BARD1: variants seen among roughly 807,000 people sequenced by gnomAD.
BARD1 encodes BRCA1 associated RING domain 1, also known as BRCA1-associated RING domain protein 1.
BARD1 carries 73 observed loss-of-function variants against 77.0 expected under a neutral mutation model. The observed-to-expected ratio is 0.95, with a 90% CI of 0.79 to 1.15. The LOEUF is 1.15. Ranked by LOEUF, BARD1 falls within the 50% of genes most tolerant of loss-of-function variation. BARD1 has a pLI of 0.00. For synonymous variants in BARD1, 384 were observed against 338.0 expected (o/e 1.14, Z -1.49); for missense variants, 993 against 938.8 (o/e 1.06, Z -0.75).
At position 214,746,300 on chromosome 2, in the gene BARD1, T is replaced by A. The variant is rs114270732; in HGVS notation, c.1678-446A>T. Among the ~76,000 whole-genome samples, 504 of 152,260 alleles carry A rather than the reference T, an allele frequency of 3.3e-3. 4 individuals carry two copies. Among genetic ancestry groups the A allele is most frequent in the African/African-American group, 0.012 (486 of 41,548 alleles). ...AAGAATGCCAAGGCTTCTAGAACAG[T>A]GCTGACCTCAAAGATAGAAAACAAA... On this transcript the variant is annotated intron_variant, in intron 7 of 10. Transcript: ENST00000260947.
chr2:214,728,638 G>A lies in BARD1; in HGVS notation c.*38C>T, dbSNP rs751500588. On this transcript the variant is annotated 3_prime_UTR_variant, in exon 11 of 11. Transcript: ENST00000260947. ...TACAATGACTGGGCTCTCACAAACC[G>A]TGCAAATTCAATTTGAAATGTTCAT... is the stretch of plus-strand genomic sequence containing the variant. The A allele has an allele frequency of 1.9e-5, 30 of 1,599,776 alleles. No homozygotes were observed. The highest frequency in any genetic ancestry group is 8.9e-5 in the East Asian group (4 of 44,696).
chr2:214,783,491 T>G (rs2106116650), intron 3 of BARD1, among the ~76,000 whole-genome samples: 1 of 152,114 alleles, frequency 6.6e-6, no homozygotes, highest in African/African-American at 2.4e-5. Flanking sequence ...ATCTTCTCAC[T>G]TATAAGTGGA....
At chr2:214,763,914 AC>A (rs1423135917) in intron 6 of BARD1, among the ~76,000 whole-genome samples, 9 of 152,178 alleles carry the variant, frequency 5.9e-5, no homozygotes, top group Non-Finnish European at 2.9e-5. Context: ...CTCACCTGTT[AC>A]TACCTAATTC....
intron 7 of BARD1, among the ~76,000 whole-genome samples, chr2:214,746,957 C>T (rs1693151237): frequency 6.6e-6 from 1 of 152,106 alleles, no homozygotes; most frequent in South Asian, 2.1e-4. Context: ...ACCTACTCAT[C>T]TGACAAAGGG....
At chr2:214,772,577 GGTT>G (rs1321787121) in intron 4 of BARD1, among the ~76,000 whole-genome samples, 1 of 152,136 alleles carries the variant, frequency 6.6e-6, no homozygotes, top group East Asian at 1.9e-4. Flanking sequence ...TCTCTTTTAA[GGTT>G]GTTAGACAGT....
At chr2:214,739,928 A>G (rs1692739157) in intron 9 of BARD1, among the ~76,000 whole-genome samples, 1 of 152,056 alleles carries the variant, frequency 6.6e-6, no homozygotes, top group Non-Finnish European at 1.5e-5. Flanking sequence ...CTATTGCAAA[A>G]ATATATTATT....
At chr2:214,734,379 T>TA (rs1692481198) in intron 9 of BARD1, among the ~76,000 whole-genome samples, 1 of 152,158 alleles carries the variant, frequency 6.6e-6, no homozygotes, top group African/African-American at 2.4e-5. Flanking sequence ...GTTCCATTGT[T>TA]ACTTCTCTGG....
Position 214,730,410 on chromosome 2 carries a change from C to A in BARD1, c.2001+1G>T, listed in dbSNP as rs768490891. On this transcript the variant is annotated splice_donor_variant, in intron 10 of 10. Transcript: ENST00000260947. LOFTEE classifies it high-confidence loss of function. ...TGAAAGTTGTATTAAAAGAAAAATA[C>A]CAGCTGTTCTCTGTTGAGCCTGCTT... 6.2e-7 allele frequency: 1 copy of A among 1,611,668 alleles called. No individual in the cohort carries two copies.
intron 6 of BARD1, among the ~76,000 whole-genome samples, chr2:214,759,955 C>T (rs10176759): frequency 0.42 from 63,923 of 151,994 alleles, 13,508 homozygotes; most frequent in South Asian, 0.5. Flanking sequence ...TTCAATAGGA[C>T]GCTTTTAAAT....
intron 4 of BARD1, among the ~76,000 whole-genome samples, chr2:214,769,534 G>A (rs1303199511): frequency 1.3e-5 from 2 of 152,156 alleles, no homozygotes; most frequent in Non-Finnish European, 2.9e-5. Context: ...CTGAGGTCAG[G>A]AGTTTGAGAC....
intron 3 of BARD1, among the ~76,000 whole-genome samples, chr2:214,786,717 A>G (rs1036015181): frequency 8.6e-5 from 13 of 152,022 alleles, no homozygotes; most frequent in Non-Finnish European, 1.8e-4. Flanking sequence ...AAAGACAGTA[A>G]AATGATAAAC....
chr2:214,786,483 C>A (rs1041019236), intron 3 of BARD1, among the ~76,000 whole-genome samples: 1 of 151,900 alleles, frequency 6.6e-6, no homozygotes, highest in Non-Finnish European at 1.5e-5. Flanking sequence ...ATTCTTTCAC[C>A]TCATATTTCT....
intron 7 of BARD1, among the ~76,000 whole-genome samples, chr2:214,749,190 A>C (rs1460602242): frequency 6.6e-6 from 1 of 151,922 alleles, no homozygotes; most frequent in Non-Finnish European, 1.5e-5. Context: ...CTGGAAAAAA[A>C]AAAAAAAACT....
chr2:214,799,715 AAC>A (rs754526682), intron 1 of BARD1, among the ~76,000 whole-genome samples: 7 of 152,164 alleles, frequency 4.6e-5, no homozygotes, highest in Admixed American at 2.0e-4. Flanking sequence ...ACACAGAAAA[AAC>A]ACAGTTTTGA....
At chr2:214,797,226 A>C in intron 1 of BARD1, 109 bp from the exon 2 acceptor site, 1 of 898,744 alleles carries the variant, frequency 1.1e-6, no homozygotes, top group Non-Finnish European at 1.9e-6. Flanking sequence ...ACTTTCTCAA[A>C]GCAGAAGGTA....
intron 1 of BARD1, among the ~76,000 whole-genome samples, chr2:214,802,857 T>G (rs951507290): frequency 6.6e-6 from 1 of 152,220 alleles, no homozygotes; most frequent in East Asian, 1.9e-4. Flanking sequence ...GTCATACTTC[T>G]GTAACTTTAC....
intron 4 of BARD1, among the ~76,000 whole-genome samples, chr2:214,773,445 A>G (rs1694600638): frequency 6.6e-6 from 1 of 152,306 alleles, no homozygotes; most frequent in African/African-American, 2.4e-5. Flanking sequence ...ATATTTCTGT[A>G]GCTTCTTAGA....
intron 3 of BARD1, among the ~76,000 whole-genome samples, chr2:214,790,012 G>C (rs1160903873): frequency 3.9e-5 from 6 of 152,038 alleles, no homozygotes; most frequent in Admixed American, 6.6e-5. Flanking sequence ...TCAGAAACTT[G>C]TTCTAAACTC....
chr2:214,751,115 G>A (rs927616282), intron 7 of BARD1, among the ~76,000 whole-genome samples: 2,335 of 11,370 alleles, frequency 0.21, 395 homozygotes, highest in East Asian at 0.43. Flanking sequence ...GTGTGTGTGT[G>A]TGTATATATA....
Sources: gnomAD v4.1 joint callset for allele counts (sites outside exome capture counted in the v4.1 genomes callset) on GRCh38, gnomAD v4.1.1 for gene constraint, MANE v1.5 for transcripts, NCBI Gene and HGNC (gene_info 2026-07-23, HGNC 2026-07-21) for gene names.